The following CEP128 variants were observed in gnomAD, a reference collection of about 807,000 sequenced individuals.
CEP128 encodes centrosomal protein 128kDa.
In CEP128, 132 loss-of-function variants were observed where a neutral mutation model predicts 156.7. The ratio of observed to expected loss-of-function variants is 0.84; its 90% CI spans 0.73 to 0.97. CEP128 has a LOEUF of 0.97. CEP128 is among the 50% of genes least tolerant of loss of function. The pLI, the probability that CEP128 is intolerant of heterozygous loss-of-function variation, is 0.00. For synonymous variants in CEP128, 469 were observed against 448.9 expected (o/e 1.04, Z -0.57); for missense variants, 1,252 against 1,281.9 (o/e 0.98, Z 0.36).
chr14:80,576,759 G>T (rs968488534), intron 20 of CEP128, among the ~76,000 whole-genome samples: 1 of 152,016 alleles, frequency 6.6e-6, no homozygotes, highest in East Asian at 1.9e-4. Flanking sequence ...GATTGGTGTT[G>T]TTTTTTAATG....
At chr14:80,623,569 C>G (rs1893583022) in intron 19 of CEP128, among the ~76,000 whole-genome samples, 1 of 151,280 alleles carries the variant, frequency 6.6e-6, no homozygotes, top group Admixed American at 6.6e-5. Flanking sequence ...AAATGTTATA[C>G]CTTATATTTA....
In CEP128 at chr14:80,496,645, A is replaced by T. The variant is rs538746257; in HGVS notation, c.*834T>A. 5 of 152,460 alleles carry T rather than the reference A, an allele frequency of 3.3e-5. No individual in the cohort carries two copies. The South Asian group carries it at 6.2e-4, about 19-fold the overall frequency. The allele number at this position is 152,460 out of a possible 1,614,324, so 9.4% of individuals were successfully genotyped here. ...ACGTTCTTAGACACTTTGATGAAAA[A>T]AGTTGGGATGGTAGAAGCAGATAGG... On this transcript the variant is annotated 3_prime_UTR_variant, in exon 25 of 25. Transcript: ENST00000555265.
At chr14:80,878,262 G>C (rs1372473140) in intron 8 of CEP128, among the ~76,000 whole-genome samples, 1 of 152,106 alleles carries the variant, frequency 6.6e-6, no homozygotes, top group Non-Finnish European at 1.5e-5. Flanking sequence ...TAAGAGCCAT[G>C]GCTGAGCTGT....
At chr14:80,927,149 G>A (rs1885195297) in intron 2 of CEP128, among the ~76,000 whole-genome samples, 1 of 152,174 alleles carries the variant, frequency 6.6e-6, no homozygotes, top group African/African-American at 2.4e-5. Flanking sequence ...GCTACTCCTA[G>A]GGTAAGGGGG....
intron 9 of CEP128, among the ~76,000 whole-genome samples, chr14:80,854,644 T>C (rs1887058386): frequency 6.6e-6 from 1 of 152,134 alleles, no homozygotes; most frequent in South Asian, 2.1e-4. Context: ...TAAGCCTGTA[T>C]TGTAAGAGAA....
chr14:80,657,544 G>A (rs970016614), intron 19 of CEP128, among the ~76,000 whole-genome samples: 4 of 151,902 alleles, frequency 2.6e-5, no homozygotes, highest in Non-Finnish European at 5.9e-5. Flanking sequence ...CCAGGTACTC[G>A]GGAGGATGAG....
At position 80,917,261 on chromosome 14, in the gene CEP128, T is replaced by TA. The variant is rs1208314628; in HGVS notation, c.-15-700dup. On this transcript the variant is annotated intron_variant, in intron 2 of 24. Coordinates refer to ENST00000555265, the MANE Select transcript of CEP128 (RefSeq NM_152446.5). ...TACCTCAGTTTTCTATTTAATACAT[T>TA]AAAAAAAATTATTTCATGCAAAGGA... is the stretch of plus-strand genomic sequence containing the variant. Among the ~76,000 whole-genome samples, 8 of 151,960 alleles carry TA rather than the reference T, an allele frequency of 5.3e-5. No homozygotes were observed. In the South Asian group the frequency reaches 6.2e-4, roughly 12 times the overall value.
intron 19 of CEP128, among the ~76,000 whole-genome samples, chr14:80,606,189 T>G (rs1487335667): frequency 6.6e-6 from 1 of 152,158 alleles, no homozygotes; most frequent in African/African-American, 2.4e-5. Flanking sequence ...AATTGTCATA[T>G]TAACACTGGC....
intron 3 of CEP128, among the ~76,000 whole-genome samples, chr14:80,916,070 GCT>G (rs1884533407): frequency 1.3e-5 from 2 of 152,160 alleles, no homozygotes; most frequent in African/African-American, 4.8e-5. Context: ...TGTGAGAAGG[GCT>G]TGACCCTTCC....
At chr14:80,605,647 C>T (rs1892747194) in intron 19 of CEP128, among the ~76,000 whole-genome samples, 1 of 152,000 alleles carries the variant, frequency 6.6e-6, no homozygotes, top group South Asian at 2.1e-4. Flanking sequence ...GATTACATAA[C>T]ATGAATATTT....
chr14:80,639,462 T>A (rs555242149), intron 19 of CEP128, among the ~76,000 whole-genome samples: 3 of 152,258 alleles, frequency 2.0e-5, no homozygotes, highest in African/African-American at 7.2e-5. Flanking sequence ...ACCACTGGAA[T>A]TCTCCCCAGC....
chr14:80,586,611 A>C (rs906379642), intron 19 of CEP128, among the ~76,000 whole-genome samples: 1 of 152,236 alleles, frequency 6.6e-6, no homozygotes, highest in African/African-American at 2.4e-5. Flanking sequence ...TCATTAAAGC[A>C]CTTGTGTAAC....
chr14:80,531,749 G>C (rs944794949), intron 21 of CEP128, among the ~76,000 whole-genome samples: 1 of 152,162 alleles, frequency 6.6e-6, no homozygotes, highest in African/African-American at 2.4e-5. Context: ...GAAGTGTACT[G>C]CAAGAACCTA....
chr14:80,725,126 G>C (rs557738092), intron 19 of CEP128, among the ~76,000 whole-genome samples: 3 of 149,208 alleles, frequency 2.0e-5, no homozygotes, highest in African/African-American at 7.4e-5. Flanking sequence ...CCCTCTATTG[G>C]CAACTGGAAT....
rs8008520 is a variant in CEP128, at chr14:80,624,781, T to C, written c.2807-44358A>G. On this transcript the variant is annotated intron_variant, in intron 19 of 24. Transcript: ENST00000555265. ...TTTTTTAATGATTATTTGTTTTCTG[T>C]TGAGTTGTCTGAGTTCTTTACATAT... 7.8e-3 allele frequency among the ~76,000 whole-genome samples: 1,177 copies of C among 150,856 alleles called. 23 individuals carry two copies. The highest frequency in any genetic ancestry group is 0.027 in the African/African-American group (1,116 of 41,508).
chr14:80,570,672 C>A (rs1249031721), intron 20 of CEP128, among the ~76,000 whole-genome samples: 1 of 151,996 alleles, frequency 6.6e-6, no homozygotes, highest in Non-Finnish European at 1.5e-5. Context: ...AACAGCCCAG[C>A]AAAATGGAAC....
intron 19 of CEP128, among the ~76,000 whole-genome samples, chr14:80,693,608 T>C (rs917715963): frequency 1.3e-5 from 2 of 152,170 alleles, no homozygotes; most frequent in Non-Finnish European, 2.9e-5. Flanking sequence ...TTAGAGGCCA[T>C]ACTTCTTTAT....
intron 21 of CEP128, among the ~76,000 whole-genome samples, chr14:80,532,824 T>C (rs895238267): frequency 6.6e-6 from 1 of 152,206 alleles, no homozygotes. Context: ...TTTTTCTATT[T>C]CTTCATATCC....
At chr14:80,946,323 G>GCCT (rs1886342695), upstream of CEP128, among the ~76,000 whole-genome samples, 1 of 65,784 alleles carries the variant, frequency 1.5e-5, no homozygotes, top group African/African-American at 5.9e-5. Context: ...GCCTCATGAT[G>GCCT]CATCATGATG....
Sources: gnomAD v4.1 joint callset for allele counts (sites outside exome capture counted in the v4.1 genomes callset) on GRCh38, gnomAD v4.1.1 for gene constraint, MANE v1.5 for transcripts, NCBI Gene and HGNC (gene_info 2026-07-23, HGNC 2026-07-21) for gene names.